Variants in ELP4 observed in about 807,000 individuals in gnomAD.
The protein encoded by ELP4 is elongator acetyltransferase complex subunit 4.
Under a neutral mutation model 48.9 loss-of-function variants are expected in ELP4, and 51 were observed. That is an observed-to-expected ratio of 1.04 (90% CI 0.83 to 1.32). The LOEUF is 1.32. Ranked by LOEUF, ELP4 falls within the 40% of genes most tolerant of loss-of-function variation. The probability of loss-of-function intolerance (pLI) is 0.00; values close to 1 mark genes in which losing one functional copy is unlikely to be tolerated. For synonymous variants in ELP4, 210 were observed against 189.2 expected, an observed-to-expected ratio of 1.11 and a Z score of -0.90; for missense variants, 519 against 514.6, an observed-to-expected ratio of 1.01 and a Z score of -0.08.
At chr11:31,663,286 T>A (rs562060180) in intron 9 of ELP4, 2 of 152,162 alleles carry the variant, frequency 1.3e-5, no homozygotes, top group Admixed American at 1.3e-4. Context: ...AAGTTTTGAA[T>A]TCTGAAATTA....
At chr11:31,578,946 A>C (rs1270558364) in intron 3 of ELP4, among the ~76,000 whole-genome samples, 1 of 152,252 alleles carries the variant, frequency 6.6e-6, no homozygotes, top group African/African-American at 2.4e-5. Flanking sequence ...AATGGGATCT[A>C]ATTAAACTAA....
At chr11:31,650,051 GTTTAA>G (rs1945287905) in intron 8 of ELP4, 59 bp from the exon 9 acceptor site, 1 of 690,086 alleles carries the variant, frequency 1.4e-6, no homozygotes. Context: ...CTATAAGACT[GTTTAA>G]TTTATGCATC....
chr11:31,510,235 C>T (rs1955961815), intron 1 of ELP4: 1 of 570,960 alleles, frequency 1.8e-6, no homozygotes, highest in East Asian at 2.8e-5. Context: ...ATTCCCTGCC[C>T]TCCAACCCCT....
chr11:31,516,693 T>C (rs1172558750), intron 1 of ELP4, among the ~76,000 whole-genome samples: 1 of 152,162 alleles, frequency 6.6e-6, no homozygotes. Flanking sequence ...AGTTTTGCCA[T>C]TTTGTCCAGG....
chr11:31,535,917 G>A (rs1956493518), intron 2 of ELP4, among the ~76,000 whole-genome samples: 1 of 152,066 alleles, frequency 6.6e-6, no homozygotes, highest in African/African-American at 2.4e-5. Context: ...GTTGTTGCAT[G>A]TATAGTCAGG....
At chr11:31,567,377 A>T (rs60141990) in intron 3 of ELP4, among the ~76,000 whole-genome samples, 4,031 of 152,302 alleles carry the variant, frequency 0.026, 170 homozygotes, top group African/African-American at 0.091. Context: ...CAGGATTTTT[A>T]TTATTCTTTA....
At chr11:31,734,795 A>C (rs1349955145) in intron 9 of ELP4, among the ~76,000 whole-genome samples, 2 of 152,030 alleles carry the variant, frequency 1.3e-5, no homozygotes, top group African/African-American at 4.8e-5. Context: ...TACCCAGAAC[A>C]ATCTACACGT....
chr11:31,741,008 G>T (rs1947432816), intron 9 of ELP4, among the ~76,000 whole-genome samples: 1 of 152,196 alleles, frequency 6.6e-6, no homozygotes, highest in African/African-American at 2.4e-5. Flanking sequence ...AGCGGTGACA[G>T]ACGGCACCTG....
chr11:31,533,223 T>G (rs1956429380), intron 2 of ELP4, among the ~76,000 whole-genome samples: 1 of 152,166 alleles, frequency 6.6e-6, no homozygotes, highest in Non-Finnish European at 1.5e-5. Context: ...TAGTCTCCAC[T>G]GTCTGTTATT....
chr11:31,597,709 C>G (rs1957696951), intron 4 of ELP4, among the ~76,000 whole-genome samples: 1 of 150,124 alleles, frequency 6.7e-6, no homozygotes, highest in East Asian at 2.0e-4. Flanking sequence ...GTAGCTGGGA[C>G]TATAGTTGCC....
chr11:31,629,802 C>G (rs1944820687), intron 6 of ELP4, among the ~76,000 whole-genome samples: 1 of 146,750 alleles, frequency 6.8e-6, no homozygotes, highest in South Asian at 2.1e-4. Context: ...TCCCTTTTTC[C>G]AGAATGCTCT....
intron 3 of ELP4, among the ~76,000 whole-genome samples, chr11:31,589,032 A>G (rs1286317653): frequency 1.3e-5 from 2 of 152,134 alleles, no homozygotes; most frequent in Admixed American, 6.6e-5. Flanking sequence ...AATGGAAAAC[A>G]TGTACCTCAC....
intron 9 of ELP4, chr11:31,719,442 A>G: frequency 7.5e-6 from 3 of 398,096 alleles, no homozygotes; most frequent in Non-Finnish European, 1.3e-5. Flanking sequence ...TGTTTTTATA[A>G]TTCTAATAAT....
chr11:31,781,396 G>C (rs1326761950), intron 9 of ELP4, among the ~76,000 whole-genome samples: 1 of 148,802 alleles, frequency 6.7e-6, no homozygotes, highest in Non-Finnish European at 1.5e-5. Context: ...TTTCCGTCCT[G>C]CTTCCTCACG....
At chr11:31,714,743 T>A (rs1045319057) in intron 9 of ELP4, 6 of 398,554 alleles carry the variant, frequency 1.5e-5, no homozygotes, top group African/African-American at 1.0e-4. Context: ...CCTTGGCTCA[T>A]GGCTTCTTCC....
intron 3 of ELP4, among the ~76,000 whole-genome samples, chr11:31,552,877 CCT>C (rs2133930705): frequency 6.6e-6 from 1 of 152,200 alleles, no homozygotes; most frequent in South Asian, 2.1e-4. Context: ...AATATCTCCC[CCT>C]GACTTTATTC....
intron 7 of ELP4, among the ~76,000 whole-genome samples, chr11:31,644,081 A>G (rs1232378644): frequency 1.3e-5 from 2 of 151,768 alleles, no homozygotes; most frequent in African/African-American, 2.4e-5. Context: ...CTTGGCTACT[A>G]TCCAGAGCTG....
At chr11:31,513,841 C>G (rs1188614220) in intron 1 of ELP4, among the ~76,000 whole-genome samples, 1 of 152,126 alleles carries the variant, frequency 6.6e-6, no homozygotes. Context: ...TTTGCAAGAT[C>G]TTAAATTTTC....
chr11:31,513,575 CTTTCA>C (rs1956050032), intron 1 of ELP4, among the ~76,000 whole-genome samples: 1 of 152,130 alleles, frequency 6.6e-6, no homozygotes, highest in African/African-American at 2.4e-5. Flanking sequence ...TCTTTCTTGA[CTTTCA>C]TTTCTTTTCC....
Sources: allele counts gnomAD v4.1 joint callset (sites outside exome capture counted in the v4.1 genomes callset), GRCh38; gene constraint gnomAD v4.1.1; transcripts MANE v1.5; gene names NCBI Gene and HGNC (gene_info 2026-07-23, HGNC 2026-07-21).